Variants in TNRC6B observed in about 807,000 individuals in gnomAD.
The protein encoded by TNRC6B is trinucleotide repeat containing adaptor 6B, also known as trinucleotide repeat-containing gene 6B protein.
A neutral mutation model predicts 203.6 loss-of-function variants in TNRC6B; 52 were observed. The observed-to-expected ratio is 0.26, with a 90% CI of 0.20 to 0.32. The LOEUF (loss-of-function observed/expected upper bound fraction) is 0.32, where lower values mean the gene tolerates loss of function less well. Among genes scored for constraint, TNRC6B ranks in the 10% least tolerant of loss-of-function variants. The pLI, the probability that TNRC6B is intolerant of heterozygous loss-of-function variation, is 1.00. For missense variants in TNRC6B, 1,923 were observed against 2,286.2 expected (o/e 0.84, Z 3.24); for synonymous variants, 838 against 845.7 (o/e 0.99, Z 0.16).
intron 1 of TNRC6B, among the ~76,000 whole-genome samples, chr22:40,203,851 TAGTC>T (rs2069444645): frequency 2.0e-5 from 3 of 152,220 alleles, no homozygotes; most frequent in South Asian, 2.1e-4. Context: ...TTCGGGCTGT[TAGTC>T]AGAGAGGGAG....
intron 1 of TNRC6B, among the ~76,000 whole-genome samples, chr22:40,058,496 C>T (rs954564853): frequency 1.3e-5 from 2 of 149,556 alleles, no homozygotes; most frequent in Non-Finnish European, 2.9e-5. Context: ...AGAGCCGGGA[C>T]TCAACCGATG....
At chr22:40,290,369 C>T (rs952871944) in intron 12 of TNRC6B, among the ~76,000 whole-genome samples, 2 of 152,224 alleles carry the variant, frequency 1.3e-5, no homozygotes, top group Admixed American at 6.5e-5. Context: ...ACTCTTTCAG[C>T]GGGAATCCCC....
At chr22:40,169,832 CATATT>C (rs1447534720) in intron 4 of TNRC6B, among the ~76,000 whole-genome samples, 1 of 152,108 alleles carries the variant, frequency 6.6e-6, no homozygotes, top group Non-Finnish European at 1.5e-5. Flanking sequence ...ACTCACATAT[CATATT>C]AAATACGTAG....
chr22:40,313,656 T>A (rs2071218227), intron 19 of TNRC6B, among the ~76,000 whole-genome samples: 1 of 152,248 alleles, frequency 6.6e-6, no homozygotes, highest in African/African-American at 2.4e-5. Flanking sequence ...TTACGTGCTT[T>A]GCCCAGGCAA....
At chr22:40,091,766 T>C (rs559637955) in intron 1 of TNRC6B, among the ~76,000 whole-genome samples, 1 of 152,098 alleles carries the variant, frequency 6.6e-6, no homozygotes, top group South Asian at 2.1e-4. Flanking sequence ...GATGGGAACT[T>C]GAACGTTCAT....
chr22:40,250,057 G>A (rs972637210), intron 2 of TNRC6B, among the ~76,000 whole-genome samples: 4 of 152,136 alleles, frequency 2.6e-5, no homozygotes, highest in South Asian at 4.1e-4. Flanking sequence ...CCCCATGGCC[G>A]TAATCCAGTA....
At chr22:40,277,365 G>A (rs957014039) in intron 8 of TNRC6B, among the ~76,000 whole-genome samples, 1 of 152,132 alleles carries the variant, frequency 6.6e-6, no homozygotes, top group Non-Finnish European at 1.5e-5. Flanking sequence ...TAAATGTGTA[G>A]TCATTTTGTC....
At chr22:40,219,859 T>C (rs962831677) in intron 1 of TNRC6B, among the ~76,000 whole-genome samples, 4 of 152,204 alleles carry the variant, frequency 2.6e-5, no homozygotes, top group African/African-American at 9.7e-5. Context: ...TATTCATCAG[T>C]CTGCTGGTTT....
At chr22:40,179,023 A>G (rs1051392066) in intron 1 of TNRC6B, among the ~76,000 whole-genome samples, 22 of 152,244 alleles carry the variant, frequency 1.4e-4, no homozygotes, top group Admixed American at 1.3e-3. Flanking sequence ...TGAGTTTTTC[A>G]GCATAAATTC....
chr22:40,061,787 A>T (rs939639419), intron 1 of TNRC6B, among the ~76,000 whole-genome samples: 3 of 152,110 alleles, frequency 2.0e-5, no homozygotes, highest in Non-Finnish European at 4.4e-5. Flanking sequence ...AGAACTTTAC[A>T]ATTAGGCTGG....
At chr22:40,089,708 C>T (rs922788173) in intron 1 of TNRC6B, among the ~76,000 whole-genome samples, 1 of 152,132 alleles carries the variant, frequency 6.6e-6, no homozygotes, top group African/African-American at 2.4e-5. Context: ...ACCATTATTA[C>T]TCAAAGTTCA....
intron 1 of TNRC6B, among the ~76,000 whole-genome samples, chr22:40,074,748 C>T (rs2067990163): frequency 6.6e-6 from 1 of 151,576 alleles, no homozygotes; most frequent in Admixed American, 6.6e-5. Flanking sequence ...CACTGCACTC[C>T]AGCCTGGGTG....
At chr22:40,117,636 T>C (rs939995880) in intron 2 of TNRC6B, among the ~76,000 whole-genome samples, 3 of 152,274 alleles carry the variant, frequency 2.0e-5, no homozygotes, top group Admixed American at 1.3e-4. Flanking sequence ...CATTTTCTTT[T>C]CCCTAGATAT....
chr22:40,071,715 A>C (rs1426323880), intron 1 of TNRC6B, among the ~76,000 whole-genome samples: 1 of 152,214 alleles, frequency 6.6e-6, no homozygotes. Flanking sequence ...AATTCTGATT[A>C]GGCATTATAA....
At chr22:40,217,140 C>T (rs2069646306) in intron 1 of TNRC6B, among the ~76,000 whole-genome samples, 1 of 152,176 alleles carries the variant, frequency 6.6e-6, no homozygotes, top group African/African-American at 2.4e-5. Context: ...TCCTCCTAAC[C>T]TTGGAAGCAT....
intron 4 of TNRC6B, among the ~76,000 whole-genome samples, chr22:40,262,654 G>A (rs2070404356): frequency 6.6e-6 from 1 of 152,104 alleles, no homozygotes; most frequent in Non-Finnish European, 1.5e-5. Context: ...TTTAAACTCA[G>A]TATTTCTTTT....
chr22:40,279,092 G>A (rs897010407), intron 9 of TNRC6B, among the ~76,000 whole-genome samples: 2 of 152,128 alleles, frequency 1.3e-5, no homozygotes, highest in African/African-American at 2.4e-5. Context: ...GCTCTATGGG[G>A]CCAAACAAAT....
Position 40,202,472 on chromosome 22 carries a change from G to A in TNRC6B, c.5+24332G>A, listed in dbSNP as rs147690341. 2.3e-3 allele frequency among the ~76,000 whole-genome samples: 346 copies of A among 152,144 alleles called. 3 individuals carry two copies. The highest frequency in any genetic ancestry group is 7.2e-3 in the African/African-American group (298 of 41,524). ...ATTGCTGCTGTAACTATATATAAAC[G>A]CATGTAGGACAGGAGATGTGCTTGA... On this transcript the variant is annotated intron_variant, in intron 1 of 22. Transcript: ENST00000454349.
intron 1 of TNRC6B, among the ~76,000 whole-genome samples, chr22:40,239,792 C>T (rs1420424230): frequency 6.6e-6 from 1 of 152,012 alleles, no homozygotes; most frequent in African/African-American, 2.4e-5. Context: ...CTTGTTATGC[C>T]TCAGCTTAAG....
Sources: allele counts gnomAD v4.1 joint callset (sites outside exome capture counted in the v4.1 genomes callset), GRCh38; gene constraint gnomAD v4.1.1; transcripts MANE v1.5; gene names NCBI Gene and HGNC (gene_info 2026-07-23, HGNC 2026-07-21).